The following CDK19 variants were observed in gnomAD, a reference collection of about 807,000 sequenced individuals.
CDK19 encodes cyclin dependent kinase 19.
In CDK19, 20 loss-of-function variants were observed where a neutral mutation model predicts 68.3. That is an observed-to-expected ratio of 0.29 (90% CI 0.21 to 0.43). CDK19 has a LOEUF of 0.43. Ranked by LOEUF, CDK19 falls within the 20% of genes least tolerant of loss-of-function variation. CDK19 has a pLI of 1.00. For synonymous variants in CDK19, 221 were observed against 222.8 expected, an observed-to-expected ratio of 0.99 and a Z score of 0.07; for missense variants, 339 against 623.5, an observed-to-expected ratio of 0.54 and a Z score of 4.86.
intron 12 of CDK19, among the ~76,000 whole-genome samples, chr6:110,617,373 AC>A (rs1778382772): frequency 6.6e-6 from 1 of 152,146 alleles, no homozygotes; most frequent in Non-Finnish European, 1.5e-5. Context: ...ACCAACAGGA[AC>A]CTAGACAGGC....
intron 1 of CDK19, among the ~76,000 whole-genome samples, chr6:110,784,158 C>CA (rs1170140844): frequency 0.12 from 7,436 of 60,858 alleles, 757 homozygotes; most frequent in East Asian, 0.39. Context: ...GACTTCGTCT[C>CA]AAAAAAAAAA....
chr6:110,775,874 A>G (rs1290065361), intron 1 of CDK19, among the ~76,000 whole-genome samples: 2 of 152,222 alleles, frequency 1.3e-5, no homozygotes, highest in African/African-American at 2.4e-5. Context: ...AGTATTTTAA[A>G]ACATTGGCCC....
chr6:110,711,104 C>T (rs1011414264), intron 2 of CDK19, among the ~76,000 whole-genome samples: 1 of 151,956 alleles, frequency 6.6e-6, no homozygotes, highest in African/African-American at 2.4e-5. Flanking sequence ...AATTCAAGTA[C>T]ACGAAAAAGC....
chr6:110,641,654 G>A (rs890097872), intron 4 of CDK19, among the ~76,000 whole-genome samples: 7 of 140,428 alleles, frequency 5.0e-5, no homozygotes, highest in African/African-American at 1.8e-4. Flanking sequence ...AGAAAGGAAG[G>A]AAGGAAGGAA....
chr6:110,745,205 T>C (rs1256130662), intron 2 of CDK19, among the ~76,000 whole-genome samples: 2 of 152,168 alleles, frequency 1.3e-5, no homozygotes, highest in African/African-American at 2.4e-5. Context: ...AATGGGGATA[T>C]TAAAATTTTA....
intron 8 of CDK19, among the ~76,000 whole-genome samples, chr6:110,625,830 A>G (rs1283529382): frequency 2.0e-5 from 3 of 152,186 alleles, no homozygotes; most frequent in Admixed American, 2.0e-4. Context: ...GATCAATGCC[A>G]TTCTCTATTT....
At chr6:110,738,809 C>T (rs1777444445) in intron 2 of CDK19, among the ~76,000 whole-genome samples, 1 of 151,574 alleles carries the variant, frequency 6.6e-6, no homozygotes, top group Non-Finnish European at 1.5e-5. Flanking sequence ...CCAAGGATTC[C>T]ACTGAAGTTT....
intron 12 of CDK19, among the ~76,000 whole-genome samples, chr6:110,618,731 A>G (rs1778511216): frequency 6.6e-6 from 1 of 152,122 alleles, no homozygotes; most frequent in South Asian, 2.1e-4. Flanking sequence ...GTCACAAACA[A>G]CTGGTGGGCA....
intron 4 of CDK19, among the ~76,000 whole-genome samples, chr6:110,639,603 C>T (rs554417790): frequency 1.3e-5 from 2 of 152,216 alleles, no homozygotes; most frequent in African/African-American, 4.8e-5. Flanking sequence ...GAAGCTAGTG[C>T]TATGTATGAG....
At chr6:110,630,294 T>C (rs1429120385) in intron 6 of CDK19, among the ~76,000 whole-genome samples, 2 of 152,262 alleles carry the variant, frequency 1.3e-5, no homozygotes, top group Non-Finnish European at 2.9e-5. Context: ...TATGGATTTC[T>C]ATGGAGATTG....
chr6:110,647,698 G>A (rs1484919322), intron 4 of CDK19, among the ~76,000 whole-genome samples: 1 of 152,082 alleles, frequency 6.6e-6, no homozygotes, highest in Non-Finnish European at 1.5e-5. Context: ...GATCTTAGAG[G>A]GGAGTTCTCA....
chr6:110,790,621 G>C (rs1440238392), intron 1 of CDK19, among the ~76,000 whole-genome samples: 1 of 149,852 alleles, frequency 6.7e-6, no homozygotes, highest in African/African-American at 2.4e-5. Context: ...ATAAGAAATT[G>C]ATCCACAGAT....
intron 6 of CDK19, among the ~76,000 whole-genome samples, chr6:110,629,479 A>G (rs867232348): frequency 1.3e-5 from 2 of 152,100 alleles, no homozygotes; most frequent in African/African-American, 4.8e-5. Flanking sequence ...CTCAGCCTCC[A>G]GAATAGCTGG....
chr6:110,775,777 T>C (rs1780355040), intron 1 of CDK19, among the ~76,000 whole-genome samples: 2 of 152,236 alleles, frequency 1.3e-5, no homozygotes, highest in African/African-American at 2.4e-5. Flanking sequence ...ATGGAATATT[T>C]AGAAATCTTT....
intron 1 of CDK19, among the ~76,000 whole-genome samples, chr6:110,771,086 G>A (rs1365728437): frequency 6.6e-6 from 1 of 152,162 alleles, no homozygotes; most frequent in Non-Finnish European, 1.5e-5. Context: ...CATGGTGCAA[G>A]CTGTCAGTGG....
intron 8 of CDK19, chr6:110,623,569 A>G (rs1778847822): frequency 3.8e-6 from 1 of 263,450 alleles, no homozygotes. Context: ...TACTGTTACA[A>G]TCCCTTTGGA....
At chr6:110,624,383 T>C (rs1562130765) in intron 8 of CDK19, among the ~76,000 whole-genome samples, 1 of 152,116 alleles carries the variant, frequency 6.6e-6, no homozygotes, top group Non-Finnish European at 1.5e-5. Context: ...CTTTCCTACA[T>C]ATGAAATATT....
intron 6 of CDK19, among the ~76,000 whole-genome samples, chr6:110,628,776 GACC>G (rs1052764223): frequency 6.6e-6 from 1 of 152,132 alleles, no homozygotes; most frequent in Non-Finnish European, 1.5e-5. Flanking sequence ...TTACTTATTT[GACC>G]ACATTCAGGT....
intron 1 of CDK19, among the ~76,000 whole-genome samples, chr6:110,785,689 A>G (rs1781161444): frequency 6.6e-6 from 1 of 152,046 alleles, no homozygotes; most frequent in African/African-American, 2.4e-5. Flanking sequence ...CTTTATAGAA[A>G]TACATCATAG....
Sources: gnomAD v4.1 joint callset for allele counts (sites outside exome capture counted in the v4.1 genomes callset) on GRCh38, gnomAD v4.1.1 for gene constraint, MANE v1.5 for transcripts, NCBI Gene and HGNC (gene_info 2026-07-23, HGNC 2026-07-21) for gene names.